ST7: variants seen among roughly 807,000 people sequenced by gnomAD.
ST7 encodes suppression of tumorigenicity 7, also known as suppressor of tumorigenicity 7 protein.
In ST7, 28 loss-of-function variants were observed where a neutral mutation model predicts 78.7. The observed-to-expected ratio is 0.36, with a 90% CI of 0.26 to 0.49. The LOEUF is 0.49. Among genes scored for constraint, ST7 ranks in the 20% least tolerant of loss-of-function variants. The pLI is 0.99. For missense variants in ST7, 418 were observed against 696.0 expected (o/e 0.60, Z 4.49); for synonymous variants, 247 against 249.6 (o/e 0.99, Z 0.10).
intron 1 of ST7, among the ~76,000 whole-genome samples, chr7:116,957,361 GT>G (rs1002884573): frequency 4.7e-4 from 70 of 147,798 alleles, no homozygotes; most frequent in African/African-American, 1.1e-3. Context: ...TTTGATAATA[GT>G]TTTTTTTTTT....
chr7:117,066,764 C>CAAAAAA (rs35246518), intron 1 of ST7, among the ~76,000 whole-genome samples: 1 of 74,732 alleles, frequency 1.3e-5, no homozygotes, highest in African/African-American at 6.1e-5. Context: ...GACTCCGTCT[C>CAAAAAA]AAAAAAAAAA....
chr7:117,136,613 G>T (rs1178665275), intron 8 of ST7: 2 of 373,230 alleles, frequency 5.4e-6, no homozygotes, highest in East Asian at 1.0e-4. Flanking sequence ...GTTAGCAAAG[G>T]TTTTATCTTA....
intron 1 of ST7, among the ~76,000 whole-genome samples, chr7:116,982,636 G>A (rs1794008868): frequency 6.6e-6 from 1 of 152,150 alleles, no homozygotes; most frequent in Non-Finnish European, 1.5e-5. Flanking sequence ...CTTTTGACAT[G>A]TCCCTATTAT....
At chr7:117,164,969 T>C (rs1412739982) in intron 9 of ST7, among the ~76,000 whole-genome samples, 3 of 152,148 alleles carry the variant, frequency 2.0e-5, no homozygotes, top group Non-Finnish European at 4.4e-5. Context: ...TGGCATTTGA[T>C]CTGGGCTTTG....
intron 1 of ST7, among the ~76,000 whole-genome samples, chr7:117,051,258 C>T (rs1406939124): frequency 6.6e-6 from 1 of 152,174 alleles, no homozygotes; most frequent in Non-Finnish European, 1.5e-5. Flanking sequence ...AAATAGGCAA[C>T]ATATATGTAT....
At chr7:117,088,320 A>G (rs1321131675) in intron 1 of ST7, among the ~76,000 whole-genome samples, 1 of 152,204 alleles carries the variant, frequency 6.6e-6, no homozygotes, top group East Asian at 1.9e-4. Context: ...GGGTAGGATC[A>G]GTCTCATTAT....
intron 12 of ST7, among the ~76,000 whole-genome samples, chr7:117,206,797 A>T (rs1237913941): frequency 6.6e-6 from 1 of 152,156 alleles, no homozygotes; most frequent in Non-Finnish European, 1.5e-5. Flanking sequence ...AAATTTTTTC[A>T]TGTTAAAAAT....
chr7:117,228,356 C>A lies in ST7; in HGVS notation c.1639-1406C>A, dbSNP rs188727223. Among the ~76,000 whole-genome samples, 11 of 152,330 alleles carry A rather than the reference C, an allele frequency of 7.2e-5. No individual in the cohort carries two copies. The East Asian group carries it at 1.9e-3, about 27-fold the overall frequency. On this transcript the variant is annotated intron_variant, in intron 15 of 15. Transcript: ENST00000323984. ...CCTCCATCACTGGGCTTTGAGCTTC[C>A]TGACAGTGGGAGTTTAGTTTTGAAC... is the stretch of plus-strand genomic sequence containing the variant.
At chr7:117,030,486 A>G (rs1796418945) in intron 1 of ST7, among the ~76,000 whole-genome samples, 1 of 152,216 alleles carries the variant, frequency 6.6e-6, no homozygotes, top group African/African-American at 2.4e-5. Context: ...AATTGTTTAT[A>G]CATACAGGCA....
intron 1 of ST7, among the ~76,000 whole-genome samples, chr7:116,977,242 C>T (rs1793746561): frequency 6.6e-6 from 1 of 152,142 alleles, no homozygotes; most frequent in Non-Finnish European, 1.5e-5. Flanking sequence ...ATTTTATTGA[C>T]CCCACTAAGT....
intron 1 of ST7, among the ~76,000 whole-genome samples, chr7:116,977,467 A>C (rs1440566467): frequency 1.3e-5 from 2 of 152,246 alleles, no homozygotes. Flanking sequence ...AAAGGCACCC[A>C]CAGAGCTTCT....
At chr7:117,180,683 T>C (rs931342642) in intron 10 of ST7, among the ~76,000 whole-genome samples, 12 of 152,234 alleles carry the variant, frequency 7.9e-5, no homozygotes. Flanking sequence ...AGGGTATAGC[T>C]CTGTCGCCTA....
At chr7:117,012,427 C>T (rs1029645713) in intron 1 of ST7, among the ~76,000 whole-genome samples, 2 of 152,022 alleles carry the variant, frequency 1.3e-5, no homozygotes, top group Non-Finnish European at 2.9e-5. Flanking sequence ...ATCCTCCATG[C>T]CTCAGTTCTT....
intron 1 of ST7, among the ~76,000 whole-genome samples, chr7:116,966,660 A>G (rs1013108819): frequency 6.6e-6 from 1 of 152,272 alleles, no homozygotes; most frequent in Non-Finnish European, 1.5e-5. Context: ...CCAGAAGATT[A>G]AAACATGGCA....
chr7:117,015,389 C>T (rs1436599896), intron 1 of ST7, among the ~76,000 whole-genome samples: 5 of 152,140 alleles, frequency 3.3e-5, no homozygotes, highest in Non-Finnish European at 5.9e-5. Context: ...CAGAGAGTTT[C>T]TGTTATTGTG....
chr7:117,191,308 TA>T (rs750152233), intron 12 of ST7, among the ~76,000 whole-genome samples: 7 of 149,382 alleles, frequency 4.7e-5, no homozygotes, highest in Non-Finnish European at 5.9e-5. Flanking sequence ...ATAAAACTGG[TA>T]AAAAAAAAAT....
intron 12 of ST7, among the ~76,000 whole-genome samples, chr7:117,202,410 G>A (rs1810958741): frequency 6.6e-6 from 1 of 152,136 alleles, no homozygotes; most frequent in South Asian, 2.1e-4. Context: ...GGGATGTTCT[G>A]CAGGTTCTTT....
At chr7:116,965,443 A>C in intron 1 of ST7, among the ~76,000 whole-genome samples, 1 of 152,260 alleles carries the variant, frequency 6.6e-6, no homozygotes, top group African/African-American at 2.4e-5. Context: ...CATTAGGACA[A>C]ATACCTAATG....
intron 1 of ST7, among the ~76,000 whole-genome samples, chr7:117,046,798 T>G (rs532962898): frequency 5.9e-5 from 9 of 152,216 alleles, no homozygotes; most frequent in African/African-American, 1.9e-4. Context: ...AGAAATTCTC[T>G]GTAGATGAGG....
Sources: gnomAD v4.1 joint callset for allele counts (sites outside exome capture counted in the v4.1 genomes callset) on GRCh38, gnomAD v4.1.1 for gene constraint, MANE v1.5 for transcripts, NCBI Gene and HGNC (gene_info 2026-07-23, HGNC 2026-07-21) for gene names.